The following NNT variants were observed in gnomAD, a reference collection of about 807,000 sequenced individuals.
NNT encodes the protein NAD(P) transhydrogenase, mitochondrial.
In NNT, 50 loss-of-function variants were observed where a neutral mutation model predicts 104.8. That is an observed-to-expected ratio of 0.48 (90% CI 0.38 to 0.60). The LOEUF (loss-of-function observed/expected upper bound fraction) is 0.60. NNT is among the 20% of genes least tolerant of loss of function. The pLI is 0.00. For missense variants in NNT, 1,131 were observed against 1,330.7 expected (o/e 0.85, Z 2.33); for synonymous variants, 461 against 490.4 (o/e 0.94, Z 0.79).
intron 17 of NNT, among the ~76,000 whole-genome samples, chr5:43,665,738 G>A (rs111320166): frequency 0.033 from 3,681 of 110,464 alleles, 132 homozygotes; most frequent in Non-Finnish European, 0.051. Flanking sequence ...TCAAGGAGCT[G>A]TTGGGTACAC....
rs114232392 is a variant in NNT at position 43,642,630 on chromosome 5, G to T, written c.965-1562G>T. On this transcript the variant is annotated intron_variant, in intron 7 of 21. Coordinates refer to ENST00000344920, the MANE Select transcript of NNT (RefSeq NM_182977.3). ...CCCAGTGTGGCTGAAATAGAAGAAGGTCCAATGGTGCAGTTTTGAGAGGGC... is the reference window on the plus strand; with the variant it reads ...CCCAGTGTGGCTGAAATAGAAGAAGTTCCAATGGTGCAGTTTTGAGAGGGC... Among the ~76,000 whole-genome samples, 361 of 152,296 alleles carry T rather than the reference G, an allele frequency of 2.4e-3. 1 individual carries two copies. Among genetic ancestry groups the T allele is most frequent in the African/African-American group, 8.4e-3 (348 of 41,560 alleles).
At chr5:43,636,136 A>T (rs1044328908) in intron 7 of NNT, among the ~76,000 whole-genome samples, 1 of 152,176 alleles carries the variant, frequency 6.6e-6, no homozygotes, top group Non-Finnish European at 1.5e-5. Flanking sequence ...TGAAATGTGG[A>T]TAAAAATTTC....
chr5:43,673,734 T>C (rs1347879493), intron 17 of NNT, among the ~76,000 whole-genome samples: 1 of 152,126 alleles, frequency 6.6e-6, no homozygotes, highest in Admixed American at 6.5e-5. Context: ...AAAGCATTTC[T>C]TTAGCTGGGC....
At chr5:43,606,109 G>A (rs1417429131) in intron 1 of NNT, among the ~76,000 whole-genome samples, 1 of 152,158 alleles carries the variant, frequency 6.6e-6, no homozygotes, top group Non-Finnish European at 1.5e-5. Flanking sequence ...AGGTCGAACA[G>A]TAAGTGAGTG....
intron 19 of NNT, among the ~76,000 whole-genome samples, chr5:43,688,789 T>G (rs1742112440): frequency 6.6e-6 from 1 of 152,194 alleles, no homozygotes; most frequent in Admixed American, 6.5e-5. Context: ...TTTATCCACT[T>G]ATTGATTGAT....
Position 43,609,160 on chromosome 5 carries a change from A to T in NNT, c.-36A>T. 6.3e-7 allele frequency: 1 copy of T among 1,581,284 alleles called. No homozygotes were observed. Among genetic ancestry groups the T allele is most frequent in the Non-Finnish European group, 8.6e-7 (1 of 1,160,018 alleles). On this transcript the variant is annotated 5_prime_UTR_variant, in exon 2 of 22. Coordinates refer to ENST00000344920, the MANE Select transcript of NNT (RefSeq NM_182977.3). Reference sequence around the variant, plus strand: ...TTTCTTAGTGATTTGCCTTCAAGGAAACTGGGGAGTCAGAAAATTGGGAAC... The same window carrying T: ...TTTCTTAGTGATTTGCCTTCAAGGATACTGGGGAGTCAGAAAATTGGGAAC...
Position 43,644,384 on chromosome 5 carries a change from G to T in NNT, c.1098+59G>T, listed in dbSNP as rs1224456552. 2.6e-6 allele frequency: 4 copies of T among 1,561,910 alleles called. No homozygotes were observed. The East Asian group carries it at 6.8e-5, about 26-fold the overall frequency. On this transcript the variant is annotated intron_variant, in intron 8 of 21. Transcript: ENST00000344920. ...TTCTCATGTCTTGAGTTATGGGGGG[G>T]TGTTTATTTCTTTAAATATTTAGAG...
chr5:43,617,943 T>C (rs1461081492), intron 4 of NNT, among the ~76,000 whole-genome samples: 2 of 152,240 alleles, frequency 1.3e-5, no homozygotes, highest in Non-Finnish European at 2.9e-5. Context: ...AGTATTATTA[T>C]GTAAAAATAT....
At chr5:43,671,601 G>T (rs1741094620) in intron 17 of NNT, among the ~76,000 whole-genome samples, 1 of 152,190 alleles carries the variant, frequency 6.6e-6, no homozygotes, top group African/African-American at 2.4e-5. Flanking sequence ...TAAGAATGTT[G>T]AATATTGGCC....
At chr5:43,700,321 A>T in intron 20 of NNT, 84 bp downstream of exon 20, 1 of 920,190 alleles carries the variant, frequency 1.1e-6, no homozygotes, top group Non-Finnish European at 1.7e-6. Context: ...TTGTAGATTC[A>T]GTGAAGACTG....
At chr5:43,666,633 AT>A (rs878920651) in intron 17 of NNT, 18,132 of 408,258 alleles carry the variant, frequency 0.044, no homozygotes, top group East Asian at 0.056. Flanking sequence ...AGGGAGATCT[AT>A]TTTTTTTTTT....
chr5:43,683,845 A>G (rs1015152329), intron 19 of NNT, among the ~76,000 whole-genome samples: 3 of 151,924 alleles, frequency 2.0e-5, no homozygotes, highest in Admixed American at 2.0e-4. Flanking sequence ...CTTGTTGCCT[A>G]TTTTAAAATC....
At chr5:43,682,170 TATAAA>T (rs1251143368) in intron 19 of NNT, among the ~76,000 whole-genome samples, 1 of 150,306 alleles carries the variant, frequency 6.7e-6, no homozygotes, top group Non-Finnish European at 1.5e-5. Flanking sequence ...CACTTGAAAA[TATAAA>T]ATATTTTGTC....
At position 43,649,165 on chromosome 5, in the gene NNT, GTTTGGGCAT is replaced by G. The variant is rs1186524035; in HGVS notation, c.1465_1473del (p.Leu489_Ile491del). The G allele has an allele frequency of 6.2e-7, 1 of 1,614,168 alleles. No individual in the cohort carries two copies. The highest frequency in any genetic ancestry group is 1.7e-5 in the Admixed American group (1 of 60,016). On this transcript the variant is annotated inframe_deletion, in exon 11 of 22. Transcript: ENST00000344920. ...TCTCTAGGTCTCACAGGGATACTGG[GTTTGGGCAT>G]TGCGGCTCCCAATCTAGCCTTTTCT... is the stretch of plus-strand genomic sequence containing the variant.
intron 19 of NNT, among the ~76,000 whole-genome samples, chr5:43,698,099 C>CAT (rs1222726859): frequency 2.6e-5 from 4 of 151,534 alleles, no homozygotes; most frequent in African/African-American, 4.9e-5. Flanking sequence ...CACACACACA[C>CAT]ATATACATAC....
intron 17 of NNT, among the ~76,000 whole-genome samples, chr5:43,663,339 C>T (rs1740470754): frequency 1.3e-5 from 2 of 152,098 alleles, no homozygotes; most frequent in South Asian, 4.1e-4. Context: ...AATTGATCTT[C>T]ACAAAGGATT....
At chr5:43,679,131 T>G (rs1412331858) in intron 19 of NNT, among the ~76,000 whole-genome samples, 3 of 151,820 alleles carry the variant, frequency 2.0e-5, no homozygotes, top group Non-Finnish European at 4.4e-5. Flanking sequence ...ATTCCAATTT[T>G]TACATAGGAT....
At chr5:43,627,949 A>G (rs755833584) in intron 6 of NNT, among the ~76,000 whole-genome samples, 2 of 152,208 alleles carry the variant, frequency 1.3e-5, no homozygotes, top group African/African-American at 2.4e-5. Context: ...CAATTGTGAA[A>G]TCGCTTTTGC....
chr5:43,616,293 GTAA>G (rs1749782859), intron 4 of NNT, among the ~76,000 whole-genome samples: 1 of 152,170 alleles, frequency 6.6e-6, no homozygotes, highest in Non-Finnish European at 1.5e-5. Context: ...TAGAAGAGTA[GTAA>G]TGTTTCCATT....
Sources: gnomAD v4.1 joint callset for allele counts (sites outside exome capture counted in the v4.1 genomes callset) on GRCh38, gnomAD v4.1.1 for gene constraint, MANE v1.5 for transcripts, NCBI Gene and HGNC (gene_info 2026-07-23, HGNC 2026-07-21) for gene names.